The following GRM5 variants were observed in gnomAD, a reference collection of about 807,000 sequenced individuals.
GRM5 encodes the protein metabotropic glutamate receptor 5.
GRM5 carries 19 observed loss-of-function variants against 83.1 expected under a neutral mutation model. The observed-to-expected ratio is 0.23, with a 90% confidence interval of 0.16 to 0.34. GRM5 has a LOEUF of 0.34. GRM5 is among the 10% of genes least tolerant of loss of function. GRM5 has a pLI of 1.00. For synonymous variants in GRM5, 675 were observed against 633.6 expected (o/e 1.07, Z -0.98); for missense variants, 1,160 against 1,588.3 (o/e 0.73, Z 4.58).
At chr11:89,037,740 C>G (rs1941426293) in intron 2 of GRM5, among the ~76,000 whole-genome samples, 1 of 152,026 alleles carries the variant, frequency 6.6e-6, no homozygotes, top group Non-Finnish European at 1.5e-5. Flanking sequence ...GACCTAAAAC[C>G]CATCACTCCA....
intron 3 of GRM5, among the ~76,000 whole-genome samples, chr11:88,796,533 T>C (rs1943277618): frequency 6.6e-6 from 1 of 152,188 alleles, no homozygotes; most frequent in Non-Finnish European, 1.5e-5. Flanking sequence ...ACTTCAATTC[T>C]GTATGGTTAC....
intron 5 of GRM5, among the ~76,000 whole-genome samples, chr11:88,603,908 G>T (rs1372500871): frequency 6.6e-6 from 1 of 152,172 alleles, no homozygotes; most frequent in Non-Finnish European, 1.5e-5. Context: ...GCTATTGCTA[G>T]AAGGGCACTG....
intron 2 of GRM5, among the ~76,000 whole-genome samples, chr11:88,865,651 A>T (rs1427609082): frequency 6.6e-6 from 1 of 152,106 alleles, no homozygotes; most frequent in Non-Finnish European, 1.5e-5. Context: ...AAAGTTTTGC[A>T]ATCTATCCAT....
chr11:88,695,846 C>T (rs74320359), intron 3 of GRM5, among the ~76,000 whole-genome samples: 1,889 of 152,232 alleles, frequency 0.012, 41 homozygotes, highest in African/African-American at 0.044. Context: ...TTGTGTGGAG[C>T]ATTTATGGGC....
chr11:89,022,385 G>A (rs762716321), intron 2 of GRM5, among the ~76,000 whole-genome samples: 30 of 151,948 alleles, frequency 2.0e-4, no homozygotes, highest in Non-Finnish European at 3.2e-4. Context: ...GCTCACGTCT[G>A]TAATCCCAGC....
At chr11:88,627,032 G>A (rs1938817445) in intron 4 of GRM5, among the ~76,000 whole-genome samples, 2 of 152,170 alleles carry the variant, frequency 1.3e-5, no homozygotes, top group Admixed American at 6.5e-5. Flanking sequence ...AGCCCAAGCT[G>A]ACTTAACACT....
chr11:88,927,473 T>A (rs1467390005), intron 2 of GRM5, among the ~76,000 whole-genome samples: 2 of 151,898 alleles, frequency 1.3e-5, no homozygotes, highest in Non-Finnish European at 2.9e-5. Flanking sequence ...AAAAGAAGAG[T>A]ACATGTTAAA....
intron 7 of GRM5, among the ~76,000 whole-genome samples, chr11:88,587,794 C>T (rs1004318554): frequency 6.6e-6 from 1 of 152,288 alleles, no homozygotes. Context: ...AGCTAACTAT[C>T]ATTAGATCAT....
intron 2 of GRM5, among the ~76,000 whole-genome samples, chr11:89,037,613 A>C (rs1468576671): frequency 2.0e-5 from 3 of 151,928 alleles, no homozygotes; most frequent in East Asian, 1.9e-4. Flanking sequence ...TGGACAAGTA[A>C]ATTTAATTTC....
chr11:88,771,612 G>A (rs995999692), intron 3 of GRM5, among the ~76,000 whole-genome samples: 1 of 151,974 alleles, frequency 6.6e-6, no homozygotes, highest in African/African-American at 2.4e-5. Flanking sequence ...CCACATTGAG[G>A]GTCTTCCTCT....
intron 3 of GRM5, among the ~76,000 whole-genome samples, chr11:88,780,450 T>TC (rs1192037207): frequency 1.3e-5 from 2 of 152,194 alleles, no homozygotes; most frequent in African/African-American, 4.8e-5. Context: ...AAGCTGCCGT[T>TC]ACGTTTTATG....
At chr11:89,059,347 T>C (rs573435884) in intron 1 of GRM5, among the ~76,000 whole-genome samples, 1 of 152,214 alleles carries the variant, frequency 6.6e-6, no homozygotes, top group Admixed American at 6.5e-5. Flanking sequence ...TTTCTGATTA[T>C]CTTCAAGCAT....
chr11:88,719,604 T>C (rs6483396), intron 3 of GRM5, among the ~76,000 whole-genome samples: 130,909 of 151,990 alleles, frequency 0.86, 57,740 homozygotes, highest in Non-Finnish European at 0.97. Context: ...CATCAAATGG[T>C]ATTTCTGTCT....
intron 2 of GRM5, among the ~76,000 whole-genome samples, chr11:88,932,810 T>C (rs1432053620): frequency 2.0e-5 from 3 of 152,062 alleles, no homozygotes; most frequent in East Asian, 1.9e-4. Flanking sequence ...CAGTGTAACA[T>C]GGAAGCTTCA....
At chr11:88,786,454 T>C (rs1178151861) in intron 3 of GRM5, among the ~76,000 whole-genome samples, 1 of 152,152 alleles carries the variant, frequency 6.6e-6, no homozygotes, top group Non-Finnish European at 1.5e-5. Flanking sequence ...TGCTTATAGT[T>C]CTTACATTAA....
chr11:88,837,689 C>T (rs142807260), intron 3 of GRM5, among the ~76,000 whole-genome samples: 3,852 of 152,200 alleles, frequency 0.025, 175 homozygotes, highest in African/African-American at 0.088. Flanking sequence ...ACATCAAAAG[C>T]CCCTGTTCAT....
At chr11:89,005,287 C>T (rs1863071947) in intron 2 of GRM5, among the ~76,000 whole-genome samples, 1 of 152,160 alleles carries the variant, frequency 6.6e-6, no homozygotes, top group Non-Finnish European at 1.5e-5. Flanking sequence ...AAATTTATTA[C>T]ATTGTGTAAT....
At chr11:88,510,605 C>T (rs1424580759) in intron 9 of GRM5, among the ~76,000 whole-genome samples, 1 of 152,194 alleles carries the variant, frequency 6.6e-6, no homozygotes, top group Non-Finnish European at 1.5e-5. Flanking sequence ...CACCCTCGGC[C>T]TCTGGGATTC....
At chr11:88,624,631 A>G (rs545344590) in intron 4 of GRM5, among the ~76,000 whole-genome samples, 25 of 152,298 alleles carry the variant, frequency 1.6e-4, no homozygotes, top group Admixed American at 7.8e-4. Context: ...GCAGTGAGCT[A>G]TGATGGCACC....
Sources: allele counts gnomAD v4.1 joint callset (sites outside exome capture counted in the v4.1 genomes callset), GRCh38; gene constraint gnomAD v4.1.1; transcripts MANE v1.5; gene names NCBI Gene and HGNC (gene_info 2026-07-23, HGNC 2026-07-21).